The following NR3C2 variants were observed in gnomAD, a reference collection of about 807,000 sequenced individuals.
The protein encoded by NR3C2 is mineralocorticoid receptor.
Under a neutral mutation model 86.4 loss-of-function variants are expected in NR3C2, and 15 were observed. That is an observed-to-expected ratio of 0.17 (90% CI 0.12 to 0.27). The LOEUF is 0.27. Ranked by LOEUF, NR3C2 falls within the 10% of genes least tolerant of loss-of-function variation. The pLI, the probability that NR3C2 is intolerant of heterozygous loss-of-function variation, is 1.00. For synonymous variants in NR3C2, 458 were observed against 450.5 expected (o/e 1.02, Z -0.21); for missense variants, 960 against 1,195.6 (o/e 0.80, Z 2.91).
intron 2 of NR3C2, among the ~76,000 whole-genome samples, chr4:148,297,272 CTAGT>C (rs1241551299): frequency 1.3e-5 from 2 of 152,156 alleles, no homozygotes; most frequent in South Asian, 2.1e-4. Flanking sequence ...TCATAGTTGC[CTAGT>C]TATTTTTCAA....
chr4:148,155,143 A>G (rs886774909), intron 4 of NR3C2, among the ~76,000 whole-genome samples: 9 of 152,166 alleles, frequency 5.9e-5, no homozygotes, highest in African/African-American at 2.2e-4. Context: ...TGTCTCCTAT[A>G]AGAGACTGTA....
intron 2 of NR3C2, among the ~76,000 whole-genome samples, chr4:148,362,883 C>T (rs1745908711): frequency 6.6e-6 from 1 of 152,122 alleles, no homozygotes; most frequent in African/African-American, 2.4e-5. Flanking sequence ...TCCTCTATGG[C>T]TCTCATGGCG....
At chr4:148,319,814 C>T (rs1448871667) in intron 2 of NR3C2, among the ~76,000 whole-genome samples, 1 of 148,702 alleles carries the variant, frequency 6.7e-6, no homozygotes, top group Admixed American at 6.6e-5. Flanking sequence ...ACAATCATGT[C>T]GTCTGCAAAC....
At position 148,133,520 on chromosome 4, in the gene NR3C2, A is replaced by G. The variant is rs551427115; in HGVS notation, c.2511-13232T>C. ...TCTTGAAATTCAATAGTTAAATGCT[A>G]ATTTAGAAACGTTACCAGACTATTG... On this transcript the variant is annotated intron_variant, in intron 6 of 8. Coordinates refer to ENST00000358102, the MANE Select transcript of NR3C2 (RefSeq NM_000901.5). Among the ~76,000 whole-genome samples the G allele has an allele frequency of 5.9e-5, 9 of 152,350 alleles. No individual in the cohort carries two copies. In the East Asian group the frequency reaches 1.7e-3, roughly 29 times the overall value.
At chr4:148,217,176 G>C (rs1737583099) in intron 3 of NR3C2, among the ~76,000 whole-genome samples, 1 of 152,210 alleles carries the variant, frequency 6.6e-6, no homozygotes, top group South Asian at 2.1e-4. Flanking sequence ...CCCGTGGTCA[G>C]AGTTCCCCGC....
intron 2 of NR3C2, among the ~76,000 whole-genome samples, chr4:148,274,756 G>T: frequency 6.8e-6 from 1 of 147,832 alleles, no homozygotes. Flanking sequence ...GGAGTGCAAT[G>T]GCGTGATTTC....
intron 2 of NR3C2, among the ~76,000 whole-genome samples, chr4:148,364,686 G>T (rs1379133955): frequency 6.6e-6 from 1 of 152,120 alleles, no homozygotes; most frequent in South Asian, 2.1e-4. Flanking sequence ...ACTTTCCTAT[G>T]TTGATGGGTG....
At chr4:148,134,805 T>C (rs1196997764) in intron 6 of NR3C2, among the ~76,000 whole-genome samples, 3 of 151,582 alleles carry the variant, frequency 2.0e-5, no homozygotes, top group Non-Finnish European at 2.9e-5. Flanking sequence ...TGCGCCACCT[T>C]GCCCGGCTAA....
At chr4:148,134,674 A>C in intron 6 of NR3C2, among the ~76,000 whole-genome samples, 1 of 32,882 alleles carries the variant, frequency 3.0e-5, no homozygotes, top group South Asian at 9.6e-4. Context: ...TTTTAGAGGG[A>C]GTCTCGCTCT....
chr4:148,317,399 A>C (rs769068097), intron 2 of NR3C2, among the ~76,000 whole-genome samples: 1 of 151,956 alleles, frequency 6.6e-6, no homozygotes, highest in Non-Finnish European at 1.5e-5. Flanking sequence ...AAGAAAAAAG[A>C]CTACCTTAAA....
intron 3 of NR3C2, among the ~76,000 whole-genome samples, chr4:148,223,131 C>T (rs1174582464): frequency 6.6e-6 from 1 of 152,126 alleles, no homozygotes; most frequent in East Asian, 1.9e-4. Context: ...TCCAGCTCCA[C>T]TTTCCAACCT....
rs534372740 is a variant in NR3C2, at chr4:148,315,834, T to C, written c.1758-55717A>G. On this transcript the variant is annotated intron_variant, in intron 2 of 8. Transcript: ENST00000358102. ...CAAATTCCTAAAATTCATGAGAATA[T>C]GGTAAAATACAATTTCTACAATGCT... Among the ~76,000 whole-genome samples the C allele has an allele frequency of 3.3e-5, 5 of 152,286 alleles. No individual in the cohort carries two copies. The South Asian group carries it at 1.0e-3, about 32-fold the overall frequency.
intron 6 of NR3C2, among the ~76,000 whole-genome samples, chr4:148,122,470 G>A (rs757898460): frequency 1.4e-4 from 21 of 152,094 alleles, no homozygotes; most frequent in African/African-American, 4.8e-4. Context: ...TTAAGAAATC[G>A]GAGAGTCTCT....
intron 2 of NR3C2, among the ~76,000 whole-genome samples, chr4:148,354,886 A>G (rs1253526832): frequency 6.6e-6 from 1 of 152,214 alleles, no homozygotes; most frequent in Non-Finnish European, 1.5e-5. Context: ...TAGGAGAAAC[A>G]TGAAATTAGA....
chr4:148,370,725 A>G (rs889843128), intron 2 of NR3C2, among the ~76,000 whole-genome samples: 13 of 152,222 alleles, frequency 8.5e-5, no homozygotes, highest in Non-Finnish European at 1.8e-4. Flanking sequence ...CTGGTTAACT[A>G]TAAAATAAAG....
In NR3C2 at chr4:148,120,296, G is replaced by C. The variant is rs368130203; in HGVS notation, c.2511-8C>G. 8.7e-6 allele frequency: 14 copies of C among 1,613,832 alleles called. No homozygotes were observed. Among genetic ancestry groups the C allele is most frequent in the Non-Finnish European group, 1.2e-5 (14 of 1,179,916 alleles). On this transcript the variant is annotated splice_polypyrimidine_tract_variant and splice_region_variant and intron_variant, in intron 6 of 8. Coordinates refer to ENST00000358102, the MANE Select transcript of NR3C2 (RefSeq NM_000901.5). ...GACTGATGCATCTTCTCTCTGCAAA[G>C]GAAAAGAAGAAAATGTCTGAGAATG...
At chr4:148,341,583 CA>C (rs1744751798) in intron 2 of NR3C2, among the ~76,000 whole-genome samples, 1 of 151,866 alleles carries the variant, frequency 6.6e-6, no homozygotes, top group African/African-American at 2.4e-5. Flanking sequence ...TTGTATAGCT[CA>C]AAATTGCTGG....
At chr4:148,317,552 C>T (rs1347227874) in intron 2 of NR3C2, among the ~76,000 whole-genome samples, 2 of 151,754 alleles carry the variant, frequency 1.3e-5, no homozygotes, top group African/African-American at 4.8e-5. Flanking sequence ...TAAAAAAATA[C>T]AACTGGTTAT....
At chr4:148,323,211 C>G (rs1743729381) in intron 2 of NR3C2, among the ~76,000 whole-genome samples, 2 of 76,796 alleles carry the variant, frequency 2.6e-5, no homozygotes, top group African/African-American at 6.3e-5. Flanking sequence ...GGTCAGGGAC[C>G]CACTTGAGGT....
Sources: allele counts gnomAD v4.1 joint callset (sites outside exome capture counted in the v4.1 genomes callset), GRCh38; gene constraint gnomAD v4.1.1; transcripts MANE v1.5; gene names NCBI Gene and HGNC (gene_info 2026-07-23, HGNC 2026-07-21).